The following IRAK1BP1 variants were observed in gnomAD, a reference collection of about 807,000 sequenced individuals.
The protein encoded by IRAK1BP1 is interleukin-1 receptor-associated kinase 1-binding protein 1.
In IRAK1BP1, 24 loss-of-function variants were observed where a neutral mutation model predicts 28.0. That is an observed-to-expected ratio of 0.86 (90% CI 0.62 to 1.20). IRAK1BP1 has a LOEUF of 1.20. IRAK1BP1 is among the 50% of genes most tolerant of loss of function. IRAK1BP1 has a pLI of 0.00. For synonymous variants in IRAK1BP1, 131 were observed against 116.3 expected, an observed-to-expected ratio of 1.13 and a Z score of -0.81; for missense variants, 336 against 316.7, an observed-to-expected ratio of 1.06 and a Z score of -0.46.
At chr6:78,940,281 T>C (rs1161737173) in intron 4 of IRAK1BP1, 1 of 151,912 alleles carries the variant, frequency 6.6e-6, no homozygotes, top group Non-Finnish European at 1.5e-5. Flanking sequence ...TGTACCTCAC[T>C]TGGTCAAAAA....
At chr6:78,892,071 T>C (rs1038940179) in intron 2 of IRAK1BP1, among the ~76,000 whole-genome samples, 4 of 152,324 alleles carry the variant, frequency 2.6e-5, no homozygotes, top group Non-Finnish European at 4.4e-5. Context: ...CATCTATTAG[T>C]GTACCTCTGT....
downstream of IRAK1BP1, among the ~76,000 whole-genome samples, chr6:78,948,398 C>G (rs1283320): frequency 0.11 from 16,157 of 152,096 alleles, 893 homozygotes; most frequent in Middle Eastern, 0.19. Context: ...AAAACACACA[C>G]GTGAAACAGG....
chr6:78,928,309 C>T (rs574378339), intron 4 of IRAK1BP1, among the ~76,000 whole-genome samples: 1 of 151,954 alleles, frequency 6.6e-6, no homozygotes, highest in East Asian at 1.9e-4. Flanking sequence ...ACTTCTTTTT[C>T]GGATTGTTCA....
chr6:78,937,529 T>C (rs946348595), intron 4 of IRAK1BP1: 4 of 151,718 alleles, frequency 2.6e-5, no homozygotes, highest in African/African-American at 9.7e-5. Context: ...TAACTAAATT[T>C]AGTCAATCCC....
chr6:78,947,036 A>T (rs1582084236), downstream of IRAK1BP1, among the ~76,000 whole-genome samples: 2 of 152,316 alleles, frequency 1.3e-5, no homozygotes, highest in East Asian at 3.9e-4. Flanking sequence ...GGTAAACTGA[A>T]GCATTTTAAC....
At chr6:78,911,654 G>A (rs1215214167) in intron 4 of IRAK1BP1, among the ~76,000 whole-genome samples, 1 of 152,152 alleles carries the variant, frequency 6.6e-6, no homozygotes, top group East Asian at 1.9e-4. Flanking sequence ...CTCCAATGTA[G>A]TCAAGATCAC....
At chr6:78,941,304 G>C (rs778422011) in intron 4 of IRAK1BP1, 1 of 1,613,038 alleles carries the variant, frequency 6.2e-7, no homozygotes, top group Non-Finnish European at 8.5e-7. Context: ...ATGGTTCCTG[G>C]TACAAGAGCG....
chr6:78,955,874 G>A, the IRAK1BP1 span: 2 of 331,490 alleles, frequency 6.0e-6, no homozygotes, highest in African/African-American at 2.1e-5. Flanking sequence ...AGAGCTTTCA[G>A]TGTGGCCTCA....
At chr6:78,904,900 ATCT>A (rs1772223940), downstream of IRAK1BP1, among the ~76,000 whole-genome samples, 1 of 150,986 alleles carries the variant, frequency 6.6e-6, no homozygotes, top group African/African-American at 2.5e-5. Context: ...CATAGATTTC[ATCT>A]TCATTTTCAA....
At position 78,898,381 on chromosome 6, in the gene IRAK1BP1, A is replaced by G. The variant is rs771053931; in HGVS notation, c.*47A>G. Reference sequence around the variant, plus strand: ...TACTTGTATCTTTTTACCTATTTTTATACTTTTTATAATGTTTACGTTTGT... The same window carrying G: ...TACTTGTATCTTTTTACCTATTTTTGTACTTTTTATAATGTTTACGTTTGT... On this transcript the variant is annotated 3_prime_UTR_variant, in exon 4 of 4. Coordinates refer to ENST00000369940, the MANE Select transcript of IRAK1BP1 (RefSeq NM_001010844.4). 11 of 875,452 alleles carry G rather than the reference A, an allele frequency of 1.3e-5. No individual in the cohort carries two copies. Among genetic ancestry groups the G allele is most frequent in the African/African-American group, 9.5e-5 (5 of 52,618 alleles). The allele number at this position is 875,452 out of a possible 1,614,324, so 54.2% of individuals were successfully genotyped here.
rs1181912710 is a variant in IRAK1BP1, at chr6:78,941,063, T to C, written c.*68-4345T>C. The C allele has an allele frequency of 3.7e-6, 6 of 1,614,106 alleles. No individual in the cohort carries two copies. The South Asian group carries it at 4.4e-5, about 12-fold the overall frequency. ...CTGTAACAAATCTTCCTTTACATTA[T>C]TAGTTTCAGAAAGAAAATTGCATGT... is the stretch of plus-strand genomic sequence containing the variant. On this transcript the variant is annotated intron_variant and NMD_transcript_variant, in intron 4 of 4. Transcript: ENST00000606868.
chr6:78,940,661 A>G lies in IRAK1BP1; in HGVS notation c.*68-4747A>G, dbSNP rs770821081. 1.0e-5 allele frequency: 14 copies of G among 1,384,948 alleles called. No homozygotes were observed. In the East Asian group the frequency reaches 3.9e-4, roughly 39 times the overall value. The allele number at this position is 1,384,948 out of a possible 1,614,324, so 85.8% of individuals were successfully genotyped here. A position where few individuals can be genotyped will look rare whatever the true frequency, so the allele number is the denominator to read the frequency against. ...CTTATTCCTTAACTGTACCTGCTTT[A>G]TAGATTTTGAAGTAAAATATTTTGG... On this transcript the variant is annotated intron_variant and NMD_transcript_variant, in intron 4 of 4. Coordinates refer to the IRAK1BP1 transcript ENST00000606868.
intron 4 of IRAK1BP1, among the ~76,000 whole-genome samples, chr6:78,925,722 A>C (rs971378257): frequency 1.3e-5 from 2 of 152,210 alleles, no homozygotes; most frequent in African/African-American, 2.4e-5. Flanking sequence ...TCATTCTGTC[A>C]TAAAGATATA....
At chr6:78,975,582 T>C in the IRAK1BP1 span, among the ~76,000 whole-genome samples, 1 of 152,172 alleles carries the variant, frequency 6.6e-6, no homozygotes, top group South Asian at 2.1e-4. Context: ...GGAAGTCAAA[T>C]TGTCCCTGTT....
rs538048081 is a variant in IRAK1BP1, at chr6:78,874,135, G to A, written c.315+6244G>A. ...CTTAAAAAGAAAAACAATAGTCTTT[G>A]TTTCCTGCAACCATATTTATTTTAA... On this transcript the variant is annotated intron_variant, in intron 1 of 3. Coordinates refer to ENST00000369940, the MANE Select transcript of IRAK1BP1 (RefSeq NM_001010844.4). Among the ~76,000 whole-genome samples, 8 of 152,256 alleles carry A rather than the reference G, an allele frequency of 5.3e-5. No individual in the cohort carries two copies. The South Asian group carries it at 1.2e-3, about 24-fold the overall frequency.
the IRAK1BP1 span, among the ~76,000 whole-genome samples, chr6:78,972,408 T>C: frequency 6.6e-6 from 1 of 151,952 alleles, no homozygotes; most frequent in African/African-American, 2.4e-5. Context: ...AAAAAGTAGA[T>C]AAAACCACAA....
the IRAK1BP1 span, among the ~76,000 whole-genome samples, chr6:78,964,676 T>TGAGAC: frequency 2.0e-5 from 3 of 151,946 alleles, no homozygotes; most frequent in Non-Finnish European, 2.9e-5. Context: ...TATTTTTAGT[T>TGAGAC]GAGACGGGGT....
At chr6:78,958,286 C>G in the IRAK1BP1 span, 2 of 424,288 alleles carry the variant, frequency 4.7e-6, no homozygotes, top group Non-Finnish European at 8.4e-6. Context: ...AGCCAATGAA[C>G]TGTTTCTTCT....
intron 4 of IRAK1BP1, among the ~76,000 whole-genome samples, chr6:78,943,533 G>A (rs1773619462): frequency 1.3e-5 from 2 of 152,090 alleles, no homozygotes; most frequent in South Asian, 2.1e-4. Context: ...AAGCATTTTG[G>A]TTATTCAAAC....
Sources: gnomAD v4.1 joint callset for allele counts (sites outside exome capture counted in the v4.1 genomes callset) on GRCh38, gnomAD v4.1.1 for gene constraint, MANE v1.5 for transcripts, NCBI Gene and HGNC (gene_info 2026-07-23, HGNC 2026-07-21) for gene names.